The following DYNC2H1 variants were observed in gnomAD, a reference collection of about 807,000 sequenced individuals.
The protein encoded by DYNC2H1 is dynein cytoplasmic 2 heavy chain 1.
In DYNC2H1, 410 loss-of-function variants were observed where a neutral mutation model predicts 570.0. The ratio of observed to expected loss-of-function variants is 0.72; its 90% CI spans 0.66 to 0.78. The LOEUF is 0.78. DYNC2H1 is among the 30% of genes least tolerant of loss of function. DYNC2H1 has a pLI of 0.00. For missense variants in DYNC2H1, 4,865 were observed against 5,046.4 expected, an observed-to-expected ratio of 0.96 and a Z score of 1.09; for synonymous variants, 1,688 against 1,677.6, an observed-to-expected ratio of 1.01 and a Z score of -0.15.
At position 103,125,232 on chromosome 11, in the gene DYNC2H1, C is replaced by T. The variant is rs749485588; in HGVS notation, c.1794C>T (p.Ala598=). 3 of 1,612,892 alleles carry T rather than the reference C, an allele frequency of 1.9e-6. No individual in the cohort carries two copies. Among genetic ancestry groups the T allele is most frequent in the Non-Finnish European group, 2.5e-6 (3 of 1,179,466 alleles). Residue 598 remains alanine (A), a synonymous_variant, in exon 12 of 89, where the codon GCC becomes GCT. Transcript: ENST00000375735. The part of the protein sequence containing the change: ...QLSALGFVIP[A]KIQQVANIAQ... ...CTGCACTTGGCTTTGTTATTCCTGC[C>T]AAAATACAGCAAGTTGCAAACATTG... is the stretch of plus-strand genomic sequence containing the variant.
chr11:103,399,142 T>A (rs887354711), intron 83 of DYNC2H1, among the ~76,000 whole-genome samples: 1 of 140,312 alleles, frequency 7.1e-6, no homozygotes, highest in African/African-American at 2.9e-5. Context: ...CACACCGTTT[T>A]TTTTTTGTTT....
intron 18 of DYNC2H1, among the ~76,000 whole-genome samples, chr11:103,146,607 T>A (rs1565340928): frequency 6.6e-6 from 1 of 152,154 alleles, no homozygotes. Context: ...TGTTTTTTTG[T>A]TTGTTTATTT....
chr11:103,135,960 G>A lies in DYNC2H1; in HGVS notation c.2574+12G>A, dbSNP rs1859516372. 4.6e-6 allele frequency: 7 copies of A among 1,527,938 alleles called. No homozygotes were observed. The Admixed American group carries it at 5.9e-5, about 13-fold the overall frequency. The allele number at this position is 1,527,938 out of a possible 1,614,324, so 94.6% of individuals were successfully genotyped here. A position where few individuals can be genotyped will look rare whatever the true frequency, so the allele number is the denominator to read the frequency against. ...TACACCAACATAAGGTATAGAACAT[G>A]TAATGTTCCATCCTTCCATCATAAA... On this transcript the variant is annotated intron_variant, in intron 17 of 88. Coordinates refer to ENST00000375735, the MANE Select transcript of DYNC2H1 (RefSeq NM_001377.3).
chr11:103,179,794 A>G (rs1488237215), intron 39 of DYNC2H1, among the ~76,000 whole-genome samples: 2 of 151,710 alleles, frequency 1.3e-5, no homozygotes, highest in African/African-American at 4.8e-5. Context: ...TAATAAACCA[A>G]TTTTAGATAT....
rs1335826446 is a variant in DYNC2H1 at position 103,255,481 on chromosome 11, C to A, written c.10273C>A (p.Gln3425Lys). The change falls in exon 67 of 89, where the codon CAG becomes AAG. Residue 3425 changes from glutamine to lysine, a missense_variant. Gln to Lys is a moderately conservative substitution (Grantham distance 53). Around this residue, in one of 5 missense-constraint regions of DYNC2H1, gnomAD observed 2,401 missense variants for 2,454.6 expected, o/e 0.98. Coordinates refer to ENST00000375735, the MANE Select transcript of DYNC2H1 (RefSeq NM_001377.3). The stretch of plus-strand genomic sequence containing the variant: ...AGAACAGAAAACAAAACTATTACAA[C>A]AGGAAGAAGATAAGAAAATACAGCT... ...LEEQKTKLLQQEEDKKIQLAK... is the reference protein window; with the variant it reads ...LEEQKTKLLQKEEDKKIQLAK... 2.6e-6 allele frequency: 4 copies of A among 1,567,640 alleles called. No individual in the cohort carries two copies. The highest frequency in any genetic ancestry group is 2.6e-6 in the Non-Finnish European group (3 of 1,155,146).
In DYNC2H1 at chr11:103,134,351, C is replaced by T. The variant is rs745436653; in HGVS notation, c.2137C>T (p.Arg713Trp). The T allele has an allele frequency of 1.1e-5, 18 of 1,612,282 alleles. No homozygotes were observed. The highest frequency in any genetic ancestry group is 2.2e-5 in the South Asian group (2 of 90,870). Residue 713 changes from arginine to tryptophan, a missense_variant, in exon 15 of 89, where the codon CGG (arginine) becomes TGG (tryptophan). Coordinates refer to ENST00000375735, the MANE Select transcript of DYNC2H1 (RefSeq NM_001377.3). ...TGTTCTTATGAATATTGATCTGCTT[C>T]GGCAGCAACAGCGCTGGAAAGATGG... ...VVVLMNIDLL[R>W]QQQRWKDGLQ...
Position 103,440,893 on chromosome 11 carries a change from A to C in DYNC2H1, c.12456+4861A>C, listed in dbSNP as rs139057796. 3.5e-3 allele frequency among the ~76,000 whole-genome samples: 535 copies of C among 152,240 alleles called. 6 individuals carry two copies. The highest frequency in any genetic ancestry group is 0.012 in the African/African-American group (492 of 41,546). ...ATCCGTACTACCACTACCTCGATTG[A>C]AGTCATTGTGAATGCAGCCACTATC... On this transcript the variant is annotated intron_variant, in intron 85 of 88. Transcript: ENST00000375735.
At chr11:103,308,595 A>G (rs1867413324) in intron 78 of DYNC2H1, among the ~76,000 whole-genome samples, 1 of 152,144 alleles carries the variant, frequency 6.6e-6, no homozygotes, top group South Asian at 2.1e-4. Context: ...CATAGTGGCT[A>G]CATCGTTTTA....
At chr11:103,320,644 GC>G (rs1364141396) in intron 80 of DYNC2H1, among the ~76,000 whole-genome samples, 5 of 152,088 alleles carry the variant, frequency 3.3e-5, no homozygotes, top group Non-Finnish European at 5.9e-5. Flanking sequence ...AATTTAAGTA[GC>G]CAGGATTGTG....
intron 82 of DYNC2H1, among the ~76,000 whole-genome samples, chr11:103,336,084 A>T (rs1448822822): frequency 6.6e-6 from 1 of 152,158 alleles, no homozygotes; most frequent in African/African-American, 2.4e-5. Context: ...TAACCTTCTT[A>T]TATGGGGAAA....
intron 10 of DYNC2H1, among the ~76,000 whole-genome samples, chr11:103,121,759 C>T (rs1273444523): frequency 1.3e-5 from 2 of 151,988 alleles, no homozygotes; most frequent in Admixed American, 1.3e-4. Context: ...GGAAAACATC[C>T]TTTATGCTGA....
At position 103,429,418 on chromosome 11, in the gene DYNC2H1, A is replaced by G. The variant is rs1565592429; in HGVS notation, c.12367-6525A>G. ...AAATCTTTTAGATCTGAAAGTCCTT[A>G]GTTTGCTCATGTACCATTTTATAAT... is the stretch of plus-strand genomic sequence containing the variant. On this transcript the variant is annotated intron_variant, in intron 84 of 88. Coordinates refer to ENST00000375735, the MANE Select transcript of DYNC2H1 (RefSeq NM_001377.3). 3.9e-5 allele frequency among the ~76,000 whole-genome samples: 6 copies of G among 151,990 alleles called. No homozygotes were observed. In the East Asian group the frequency reaches 7.8e-4, roughly 20 times the overall value.
chr11:103,337,779 A>G (rs1347575254), intron 82 of DYNC2H1, among the ~76,000 whole-genome samples: 1 of 152,134 alleles, frequency 6.6e-6, no homozygotes, highest in African/African-American at 2.4e-5. Flanking sequence ...TATTCTTGTC[A>G]TTAATCTCTT....
rs1286566744 is a variant in DYNC2H1, at chr11:103,181,517, CAT to C, written c.6348-233_6348-232del. Among the ~76,000 whole-genome samples, 1 of 151,286 alleles carries C rather than the reference CAT, an allele frequency of 6.6e-6. No homozygotes were observed. The highest frequency in any genetic ancestry group is 1.5e-5 in the Non-Finnish European group (1 of 67,596). ...AATGTATTTGTTTTATAGAAAATGA[CAT>C]ATATATGTATATATACCTATATGCA... On this transcript the variant is annotated intron_variant, in intron 39 of 88. Transcript: ENST00000375735. The surrounding 1 kb of genome is among the most constrained non-coding windows in gnomAD (Gnocchi z 5.0).
At chr11:103,278,938 G>T (rs781392631) in intron 70 of DYNC2H1, among the ~76,000 whole-genome samples, 2 of 152,164 alleles carry the variant, frequency 1.3e-5, no homozygotes, top group African/African-American at 2.4e-5. Context: ...CCTGCCTATT[G>T]TAGGCAATAG....
chr11:103,211,005 A>T (rs1480538951), intron 53 of DYNC2H1, among the ~76,000 whole-genome samples: 1 of 152,064 alleles, frequency 6.6e-6, no homozygotes, highest in Non-Finnish European at 1.5e-5. Flanking sequence ...TAGATTGGTA[A>T]TAGGAGAAAC....
rs967770311 is a variant in DYNC2H1 at position 103,176,942 on chromosome 11, G to A, written c.5874+508G>A. 2.0e-5 allele frequency among the ~76,000 whole-genome samples: 3 copies of A among 152,076 alleles called. No homozygotes were observed. The South Asian group carries it at 6.2e-4, about 31-fold the overall frequency. On this transcript the variant is annotated intron_variant, in intron 37 of 88. Transcript: ENST00000375735. ...GCTGGTCTCGAACTCTTGACCTCAG[G>A]TGATCTGCCCACCTTGGTCTCCCAA... is the stretch of plus-strand genomic sequence containing the variant.
chr11:103,409,114 G>A (rs185077669), intron 84 of DYNC2H1, among the ~76,000 whole-genome samples: 10 of 152,154 alleles, frequency 6.6e-5, no homozygotes, highest in African/African-American at 1.2e-4. Context: ...TCTAATACTG[G>A]TAATGCTAGA....
At chr11:103,463,323 T>C (rs1945084938) in intron 87 of DYNC2H1, among the ~76,000 whole-genome samples, 1 of 152,144 alleles carries the variant, frequency 6.6e-6, no homozygotes, top group South Asian at 2.1e-4. Flanking sequence ...TAGGAAGCAA[T>C]GAAGCATGGC....
Sources: allele counts gnomAD v4.1 joint callset (sites outside exome capture counted in the v4.1 genomes callset), GRCh38; gene constraint gnomAD v4.1.1; regional missense constraint gnomAD v4.1.1; non-coding constraint Gnocchi (gnomAD v3.1); transcripts MANE v1.5; gene names NCBI Gene and HGNC (gene_info 2026-07-23, HGNC 2026-07-21).